Variants in KIF2A observed in about 807,000 individuals in gnomAD.
KIF2A encodes kinesin family member 2A, also known as kinesin-like protein KIF2A.
A neutral mutation model predicts 100.2 loss-of-function variants in KIF2A; 22 were observed. The observed-to-expected ratio is 0.22, with a 90% CI of 0.16 to 0.31. The LOEUF is 0.31. Among genes scored for constraint, KIF2A ranks in the 10% least tolerant of loss-of-function variants. The probability of loss-of-function intolerance (pLI) is 1.00; values close to 1 mark genes in which losing one functional copy is unlikely to be tolerated. For missense variants in KIF2A, 495 were observed against 898.7 expected (o/e 0.55, Z 5.74); for synonymous variants, 268 against 285.9 (o/e 0.94, Z 0.63).
At chr5:62,347,091 T>C in intron 1 of KIF2A, 39 bp from the exon 2 acceptor site, 1 of 1,123,572 alleles carries the variant, frequency 8.9e-7, no homozygotes, top group Non-Finnish European at 1.3e-6. Flanking sequence ...ATGCCATAAT[T>C]TGTGGCATTT....
intron 7 of KIF2A, among the ~76,000 whole-genome samples, chr5:62,356,428 G>A (rs1360782070): frequency 6.6e-6 from 1 of 152,170 alleles, no homozygotes; most frequent in African/African-American, 2.4e-5. Flanking sequence ...ATACATAAAT[G>A]ATGGGTATGA....
At chr5:62,310,955 A>G (rs1745524004) in intron 1 of KIF2A, among the ~76,000 whole-genome samples, 2 of 152,076 alleles carry the variant, frequency 1.3e-5, no homozygotes, top group Admixed American at 1.3e-4. Context: ...AATGTTGAAC[A>G]TTTGGAAGCT....
At chr5:62,340,271 C>A (rs1747228623) in intron 1 of KIF2A, among the ~76,000 whole-genome samples, 1 of 152,082 alleles carries the variant, frequency 6.6e-6, no homozygotes, top group Non-Finnish European at 1.5e-5. Flanking sequence ...TATGGGGTTT[C>A]AAAAGTGTTT....
chr5:62,355,290 T>A (rs773533471), intron 7 of KIF2A, 36 bp downstream of exon 7: 1 of 1,044,688 alleles, frequency 9.6e-7, no homozygotes, highest in South Asian at 1.4e-5. Context: ...CTGGAACTTT[T>A]TATGCTTCAA....
chr5:62,310,590 G>A (rs1273544666), intron 1 of KIF2A, among the ~76,000 whole-genome samples: 2 of 150,588 alleles, frequency 1.3e-5, no homozygotes, highest in East Asian at 1.9e-4. Context: ...TCTACTTCCC[G>A]CTGGCCTGTT....
intron 2 of KIF2A, 126 bp from the exon 3 acceptor site, chr5:62,347,922 C>A: frequency 1.0e-6 from 1 of 996,880 alleles, no homozygotes; most frequent in Non-Finnish European, 1.4e-6. Flanking sequence ...CTGCACCCAG[C>A]CGAGTTACTG....
rs371671001 is a variant in KIF2A, at chr5:62,363,947, A to T, written c.1467+48A>T. Reference sequence around the variant, plus strand: ...TGAAAGGTCTTTTACTTTTGACTTTAATTTTCTTTACTCAGTTGCAAAATA... The same window carrying T: ...TGAAAGGTCTTTTACTTTTGACTTTTATTTTCTTTACTCAGTTGCAAAATA... On this transcript the variant is annotated intron_variant, in intron 14 of 20. Transcript: ENST00000407818. 60 of 1,452,206 alleles carry T rather than the reference A, an allele frequency of 4.1e-5. No homozygotes were observed. The African/African-American group carries it at 7.3e-4, about 18-fold the overall frequency. 90.0% of individuals were successfully genotyped at this position (1,452,206 alleles called of 1,614,324 possible).
chr5:62,352,829 AT>A, intron 5 of KIF2A, 119 bp downstream of exon 5: 1 of 730,318 alleles, frequency 1.4e-6, no homozygotes, highest in Non-Finnish European at 2.0e-6. Context: ...TGCAGATTTC[AT>A]TTTACCACTG....
In KIF2A at chr5:62,373,773, A is replaced by C; in HGVS notation, c.1847A>C (p.Glu616Ala). The stretch of plus-strand genomic sequence containing the variant: ...CCACCAAACCAGATTGATGACTTAG[A>C]GACACAGTGGGGTGTGGGGAGTTCC... ...HHPPNQIDDL[E>A]TQWGVGSSPQ... is the part of the protein sequence containing the mutation. The change falls in exon 18 of 21, where the codon GAG (glutamate) becomes GCG (alanine). Residue 616 changes from glutamate to alanine, a missense_variant. Coordinates refer to ENST00000407818, the MANE Select transcript of KIF2A (RefSeq NM_001098511.3). 1 of 1,613,304 alleles carries C rather than the reference A, an allele frequency of 6.2e-7. No individual in the cohort carries two copies. Among genetic ancestry groups the C allele is most frequent in the Non-Finnish European group, 8.5e-7 (1 of 1,179,240 alleles).
At chr5:62,322,255 G>A (rs926142209) in intron 1 of KIF2A, among the ~76,000 whole-genome samples, 1 of 152,068 alleles carries the variant, frequency 6.6e-6, no homozygotes, top group African/African-American at 2.4e-5. Flanking sequence ...TATTGTTGAG[G>A]TATAAAACTT....
At position 62,352,619 on chromosome 5, in the gene KIF2A, A is replaced by G. The variant is rs747711107; in HGVS notation, c.366A>G (p.Gln122=). Residue 122 remains glutamine, a synonymous_variant, in exon 5 of 21, where the codon CAA becomes CAG. Transcript: ENST00000407818. ...VVGSARARPS[Q]FPEQSSSAQQ... is the part of the protein sequence containing the mutation. ...GTTCAGCACGTGCACGGCCCAGTCAATTTCCTGAACAGTCTTCCTCTGCAC... is the reference window on the plus strand; with the variant it reads ...GTTCAGCACGTGCACGGCCCAGTCAGTTTCCTGAACAGTCTTCCTCTGCAC... 40 of 1,597,848 alleles carry G rather than the reference A, an allele frequency of 2.5e-5. No individual in the cohort carries two copies. Among genetic ancestry groups the G allele is most frequent in the East Asian group, 1.4e-4 (6 of 44,368 alleles).
At position 62,348,216 on chromosome 5, in the gene KIF2A, T is replaced by C. The variant is rs375423887; in HGVS notation, c.279+49T>C. ...CAGGACACTGGGAGAGAGCGGGAGT[T>C]GTAGATGTGTGTGTGTTCTAGTTTG... On this transcript the variant is annotated intron_variant, in intron 3 of 20. Coordinates refer to ENST00000407818, the MANE Select transcript of KIF2A (RefSeq NM_001098511.3). 49 of 1,595,580 alleles carry C rather than the reference T, an allele frequency of 3.1e-5. No homozygotes were observed. In the African/African-American group the frequency reaches 4.8e-4, roughly 16 times the overall value.
intron 1 of KIF2A, among the ~76,000 whole-genome samples, chr5:62,345,440 C>T (rs536647236): frequency 4.0e-5 from 6 of 149,754 alleles, no homozygotes; most frequent in African/African-American, 1.5e-4. Context: ...CCAGCTGCTA[C>T]TTGGGAGGCT....
chr5:62,311,891 A>T (rs7734679), intron 1 of KIF2A: 1 of 152,102 alleles, frequency 6.6e-6, no homozygotes, highest in African/African-American at 2.4e-5. Context: ...GGTAAGCAGG[A>T]TAGAAAGGTG....
intron 20 of KIF2A, among the ~76,000 whole-genome samples, chr5:62,382,879 G>A (rs1243935356): frequency 7.3e-5 from 11 of 149,802 alleles, no homozygotes; most frequent in African/African-American, 2.0e-4. Flanking sequence ...CACCTGCCTC[G>A]GCCTCCCAAA....
chr5:62,348,367 A>G (rs923750973), intron 3 of KIF2A, among the ~76,000 whole-genome samples, 200 bp downstream of exon 3: 3 of 152,210 alleles, frequency 2.0e-5, no homozygotes, highest in Non-Finnish European at 2.9e-5. Context: ...CCATCGTTGG[A>G]TAAGGTCTTA....
Position 62,306,233 on chromosome 5 carries a change from C to T in KIF2A, c.-240C>T. On this transcript the variant is annotated 5_prime_UTR_variant, in exon 1 of 21. Coordinates refer to ENST00000407818, the MANE Select transcript of KIF2A (RefSeq NM_001098511.3). The stretch of plus-strand genomic sequence containing the variant: ...TCTACCCCGCGCCGTCTCACGGCCC[C>T]GGCCCTAGCTTCACCCCGACTACCC... The T allele has an allele frequency of 2.0e-6, 1 of 490,422 alleles. No homozygotes were observed. The allele number at this position is 490,422 out of a possible 1,614,324, so 30.4% of individuals were successfully genotyped here.
chr5:62,350,197 C>T lies in KIF2A; in HGVS notation c.334+77C>T, dbSNP rs1162025197. ...CCTGACAAGGTAAATCAAAAGTAAA[C>T]ATTACCCTTGATGTTGGTATTTATT... On this transcript the variant is annotated intron_variant, in intron 4 of 20. Coordinates refer to ENST00000407818, the MANE Select transcript of KIF2A (RefSeq NM_001098511.3). 28 of 770,764 alleles carry T rather than the reference C, an allele frequency of 3.6e-5. No homozygotes were observed. In the East Asian group the frequency reaches 8.1e-4, roughly 22 times the overall value. The allele number at this position is 770,764 out of a possible 1,614,324, so 47.7% of individuals were successfully genotyped here.
At chr5:62,350,604 T>C (rs953407011) in intron 4 of KIF2A, among the ~76,000 whole-genome samples, 79 of 152,144 alleles carry the variant, frequency 5.2e-4, no homozygotes, top group African/African-American at 1.8e-3. Flanking sequence ...TAATACAATA[T>C]GCCAGTAATA....
Sources: gnomAD v4.1 joint callset for allele counts (sites outside exome capture counted in the v4.1 genomes callset) on GRCh38, gnomAD v4.1.1 for gene constraint, MANE v1.5 for transcripts, NCBI Gene and HGNC (gene_info 2026-07-23, HGNC 2026-07-21) for gene names.